Variants in ALPK1 observed in about 807,000 individuals in gnomAD.
ALPK1 encodes alpha kinase 1.
A neutral mutation model predicts 120.6 loss-of-function variants in ALPK1; 110 were observed. The observed-to-expected ratio is 0.91, with a 90% CI of 0.78 to 1.07. ALPK1 has a LOEUF of 1.07. Among genes scored for constraint, ALPK1 ranks in the 50% least tolerant of loss-of-function variants. The probability of loss-of-function intolerance (pLI) is 0.00; values close to 1 mark genes in which losing one functional copy is unlikely to be tolerated. For synonymous variants in ALPK1, 582 were observed against 560.3 expected, an observed-to-expected ratio of 1.04 and a Z score of -0.55; for missense variants, 1,498 against 1,483.9, an observed-to-expected ratio of 1.01 and a Z score of -0.16.
At chr4:112,371,063 T>C (rs1372123504) in intron 2 of ALPK1, among the ~76,000 whole-genome samples, 1 of 152,218 alleles carries the variant, frequency 6.6e-6, no homozygotes, top group Non-Finnish European at 1.5e-5. Flanking sequence ...TACTCATTCT[T>C]AATAACATTC....
chr4:112,417,636 C>T (rs1733802262), intron 5 of ALPK1, among the ~76,000 whole-genome samples: 1 of 152,124 alleles, frequency 6.6e-6, no homozygotes, highest in African/African-American at 2.4e-5. Flanking sequence ...CAGGCATGTG[C>T]CACCATGCCC....
chr4:112,401,277 G>A (rs529416965), intron 4 of ALPK1, among the ~76,000 whole-genome samples: 1 of 152,290 alleles, frequency 6.6e-6, no homozygotes, highest in African/African-American at 2.4e-5. Flanking sequence ...ATTTAAAGAG[G>A]CAAGTGAGGA....
rs1462409709 is a variant in ALPK1, at chr4:112,430,707, G to C, written c.1160G>C (p.Gly387Ala). ...AASQLCKEAM[G>A]KLYNFSTSSR... ...AGTCAGCTCTGTAAGGAAGCAATGG[G>C]GAAGCTGTACAATTTCAGCACTTCC... The change falls in exon 11 of 16, where the codon GGG becomes GCG. Residue 387 changes from glycine (G) to alanine (A), a missense_variant. Transcript: ENST00000650871. 3.1e-6 allele frequency: 5 copies of C among 1,614,174 alleles called. No homozygotes were observed. The highest frequency in any genetic ancestry group is 4.2e-6 in the Non-Finnish European group (5 of 1,180,032).
chr4:112,396,635 C>T (rs965815645), intron 4 of ALPK1, among the ~76,000 whole-genome samples: 1 of 152,100 alleles, frequency 6.6e-6, no homozygotes, highest in Non-Finnish European at 1.5e-5. Flanking sequence ...ATTTTGAGAT[C>T]TCAGAAACTG....
Position 112,298,498 on chromosome 4 carries a change from C to A in ALPK1, c.-153+1029C>A, listed in dbSNP as rs113163430. On this transcript the variant is annotated intron_variant, in intron 1 of 15. Coordinates refer to ENST00000650871, the MANE Select transcript of ALPK1 (RefSeq NM_025144.4). ...CCTCAAGAGAAACAAAATACTTAAA[C>A]TTATTTTAGAAATAACTTATTCCCC... Among the ~76,000 whole-genome samples the A allele has an allele frequency of 3.8e-3, 572 of 152,226 alleles. 6 individuals carry two copies. The highest frequency in any genetic ancestry group is 0.013 in the African/African-American group (541 of 41,552).
chr4:112,326,854 G>A (rs1729139473), intron 2 of ALPK1, among the ~76,000 whole-genome samples: 1 of 152,148 alleles, frequency 6.6e-6, no homozygotes, highest in Non-Finnish European at 1.5e-5. Flanking sequence ...GTCTGATCAG[G>A]AGGCATTTGC....
rs78522867 is a variant in ALPK1 at position 112,344,781 on chromosome 4, A to C, written c.-101+28929A>C. Among the ~76,000 whole-genome samples, 1,207 of 152,326 alleles carry C rather than the reference A, an allele frequency of 7.9e-3. 13 individuals are homozygous for C. Among genetic ancestry groups the C allele is most frequent in the African/African-American group, 0.027 (1,122 of 41,572 alleles). ...AAGTGGGGATCATAAAGCCAATATC[A>C]CAAAGTTTTGTGTCTGAGGTGCACA... is the stretch of plus-strand genomic sequence containing the variant. On this transcript the variant is annotated intron_variant, in intron 2 of 15. Transcript: ENST00000650871.
chr4:112,411,802 A>G (rs754131633), intron 4 of ALPK1, 25 bp from the exon 5 acceptor site: 1 of 1,591,182 alleles, frequency 6.3e-7, no homozygotes, highest in Non-Finnish European at 8.6e-7. Context: ...CGCCTGGCTC[A>G]CGATGTTCCA....
At chr4:112,397,056 T>C (rs1299812009) in intron 4 of ALPK1, among the ~76,000 whole-genome samples, 2 of 152,176 alleles carry the variant, frequency 1.3e-5, no homozygotes, top group Admixed American at 1.3e-4. Context: ...GGATTATAGA[T>C]GTGAGCCACA....
In ALPK1 at chr4:112,372,075, C is replaced by T. The variant is rs149068757; in HGVS notation, c.-100-5603C>T. 3.0e-3 allele frequency among the ~76,000 whole-genome samples: 451 copies of T among 152,298 alleles called. 5 individuals carry two copies. Among genetic ancestry groups the T allele is most frequent in the Non-Finnish European group, 5.2e-3 (355 of 68,024 alleles). ...AATTAATCAACAAATATCTGTTGAA[C>T]ACTCTTGTGTGCATTCGTTTCCTAT... is the stretch of plus-strand genomic sequence containing the variant. On this transcript the variant is annotated intron_variant, in intron 2 of 15. Coordinates refer to ENST00000650871, the MANE Select transcript of ALPK1 (RefSeq NM_025144.4).
chr4:112,313,679 C>T (rs961615404), intron 1 of ALPK1, among the ~76,000 whole-genome samples: 1 of 152,158 alleles, frequency 6.6e-6, no homozygotes, highest in Non-Finnish European at 1.5e-5. Context: ...GTCAAGATTG[C>T]CTCATTGCAC....
intron 1 of ALPK1, among the ~76,000 whole-genome samples, chr4:112,312,514 C>T (rs761519308): frequency 6.6e-6 from 1 of 152,198 alleles, no homozygotes; most frequent in Non-Finnish European, 1.5e-5. Flanking sequence ...CCTCTTCATC[C>T]GCCCACCTCG....
chr4:112,317,216 C>T (rs1728676085), intron 2 of ALPK1, among the ~76,000 whole-genome samples: 1 of 152,026 alleles, frequency 6.6e-6, no homozygotes, highest in South Asian at 2.1e-4. Context: ...TGATTGTGCC[C>T]TTTGATGCCC....
At chr4:112,334,501 A>G (rs1729527712) in intron 2 of ALPK1, among the ~76,000 whole-genome samples, 1 of 152,126 alleles carries the variant, frequency 6.6e-6, no homozygotes, top group African/African-American at 2.4e-5. Context: ...CAATAAATGA[A>G]GCTTTGTTCA....
chr4:112,431,074 G>T lies in ALPK1; in HGVS notation c.1527G>T (p.Lys509Asn), dbSNP rs1233402972. Residue 509 changes from lysine to asparagine, a missense_variant, in exon 11 of 16, where the codon AAG becomes AAT. By Grantham distance (94) the Lys-to-Asn change is moderately conservative. Coordinates refer to ENST00000650871, the MANE Select transcript of ALPK1 (RefSeq NM_025144.4). ...ATACTGTGAGTACTACTCAAGAAAA[G>T]CCACATTGTCAAAGAGACACAGGAA... ...NIDTVSTTQE[K>N]PHCQRDTGIS... 4 of 1,614,088 alleles carry T rather than the reference G, an allele frequency of 2.5e-6. No homozygotes were observed. The South Asian group carries it at 3.3e-5, about 13-fold the overall frequency.
At chr4:112,398,945 A>G (rs772598287) in intron 4 of ALPK1, among the ~76,000 whole-genome samples, 2 of 152,252 alleles carry the variant, frequency 1.3e-5, no homozygotes, top group Non-Finnish European at 2.9e-5. Flanking sequence ...TGAATGAGTC[A>G]TCACTACAGA....
chr4:112,364,490 C>T lies in ALPK1; in HGVS notation c.-100-13188C>T, dbSNP rs190277675. ...AGATGGATAATTTCCTAGAAATATA[C>T]AACCCTCCTAGATTAAACCAGGAAG... On this transcript the variant is annotated intron_variant, in intron 2 of 15. Coordinates refer to ENST00000650871, the MANE Select transcript of ALPK1 (RefSeq NM_025144.4). 1.2e-4 allele frequency among the ~76,000 whole-genome samples: 18 copies of T among 152,038 alleles called. No individual in the cohort carries two copies. The East Asian group carries it at 3.5e-3, about 29-fold the overall frequency.
At chr4:112,336,999 GT>G (rs997008078) in intron 2 of ALPK1, among the ~76,000 whole-genome samples, 1 of 151,910 alleles carries the variant, frequency 6.6e-6, no homozygotes, top group Non-Finnish European at 1.5e-5. Flanking sequence ...AAGTTTTCAT[GT>G]TTTAAAATTG....
chr4:112,435,559 T>C (rs570141030), intron 12 of ALPK1, among the ~76,000 whole-genome samples: 1 of 152,270 alleles, frequency 6.6e-6, no homozygotes, highest in Middle Eastern at 3.4e-3. Context: ...GGCCATACTG[T>C]ACTGATAAGA....
Sources: gnomAD v4.1 joint callset for allele counts (sites outside exome capture counted in the v4.1 genomes callset) on GRCh38, gnomAD v4.1.1 for gene constraint, MANE v1.5 for transcripts, NCBI Gene and HGNC (gene_info 2026-07-23, HGNC 2026-07-21) for gene names.